Variants in ZNF143 observed in about 807,000 individuals in gnomAD.
The protein encoded by ZNF143 is zinc finger protein 143.
ZNF143 carries 49 observed loss-of-function variants against 74.1 expected under a neutral mutation model. The ratio of observed to expected loss-of-function variants is 0.66; its 90% CI spans 0.53 to 0.84. The LOEUF (loss-of-function observed/expected upper bound fraction) is 0.84. Among genes scored for constraint, ZNF143 ranks in the 40% least tolerant of loss-of-function variants. The pLI, the probability that ZNF143 is intolerant of heterozygous loss-of-function variation, is 0.00. For missense variants in ZNF143, 637 were observed against 793.4 expected (o/e 0.80, Z 2.37); for synonymous variants, 304 against 282.8 (o/e 1.07, Z -0.75).
At chr11:9,482,942 TTTAA>T (rs1289205398) in intron 7 of ZNF143, among the ~76,000 whole-genome samples, 1 of 151,456 alleles carries the variant, frequency 6.6e-6, no homozygotes, top group African/African-American at 2.5e-5. Flanking sequence ...ACCTGTTTCT[TTTAA>T]TTTTTTTCAA....
intron 7 of ZNF143, among the ~76,000 whole-genome samples, chr11:9,490,728 A>G (rs1415629268): frequency 2.0e-5 from 3 of 152,172 alleles, no homozygotes; most frequent in Non-Finnish European, 4.4e-5. Context: ...TTTCATGAGC[A>G]ATAAACAGAA....
In ZNF143 at chr11:9,461,012, A is replaced by C; in HGVS notation, c.-72A>C. ...GCGGGTTGCGGGGCCTGGGGGCCGG[A>C]CGGCTGTTTCCTGTCCTGGTGCATG... On this transcript the variant is annotated 5_prime_UTR_variant, in exon 1 of 16. Transcript: ENST00000396602. The C allele has an allele frequency of 1.0e-6, 1 of 985,898 alleles. No individual in the cohort carries two copies. Among genetic ancestry groups the C allele is most frequent in the East Asian group, 1.1e-4 (1 of 8,798 alleles). 61.1% of individuals were successfully genotyped at this position (985,898 alleles called of 1,614,324 possible).
chr11:9,510,600 A>G (rs1431197274), intron 12 of ZNF143, among the ~76,000 whole-genome samples: 1 of 152,234 alleles, frequency 6.6e-6, no homozygotes, highest in Non-Finnish European at 1.5e-5. Flanking sequence ...GCTGTGGAAC[A>G]GAACAAAAAG....
At chr11:9,494,487 G>T (rs1589905662) in intron 7 of ZNF143, among the ~76,000 whole-genome samples, 159 bp from the exon 8 acceptor site, 1 of 152,022 alleles carries the variant, frequency 6.6e-6, no homozygotes, top group South Asian at 2.1e-4. Flanking sequence ...GTAATATTTT[G>T]TTGTATAGAG....
Position 9,472,697 on chromosome 11 carries a change from A to G in ZNF143, c.133A>G (p.Met45Val). The G allele has an allele frequency of 1.9e-6, 3 of 1,610,738 alleles. No homozygotes were observed. Among genetic ancestry groups the G allele is most frequent in the Non-Finnish European group, 2.5e-6 (3 of 1,179,050 alleles). The part of the protein sequence containing the change: ...TVADGDNLEN[M>V]EGVSLQAVTL... ...AATAGATGGTGACAACTTAGAAAAT[A>G]TGGAAGGCGTAAGCTTGCAAGCAGT... Residue 45 changes from methionine (M) to valine (V), a missense_variant, in exon 3 of 16, where the codon ATG (methionine) becomes GTG (valine). This residue lies in a region of ZNF143 where 293 missense variants were observed against 307.8 expected (regional missense o/e 0.95). Coordinates refer to ENST00000396602, the MANE Select transcript of ZNF143 (RefSeq NM_003442.6).
chr11:9,466,859 TTACAA>T (rs60439879), intron 1 of ZNF143, among the ~76,000 whole-genome samples: 50,963 of 151,542 alleles, frequency 0.34, 9,800 homozygotes, highest in Non-Finnish European at 0.44. Context: ...CTTTTAAATA[TTACAA>T]TAGAGTAATA....
In ZNF143 at chr11:9,512,458, A is replaced by G; in HGVS notation, c.1386A>G (p.Glu462=). The G allele has an allele frequency of 6.2e-7, 1 of 1,614,114 alleles. No homozygotes were observed. The highest frequency in any genetic ancestry group is 1.1e-5 in the South Asian group (1 of 91,072). ...ATTTGTTTTAAACAGGTCAAGGTGA[A>G]GATGTTCTTAAAGGGTCCCAGATTA... ...AFFEPPPGQG[E]DVLKGSQITY... is the part of the protein sequence containing the mutation. Residue 462 remains glutamate (E), a synonymous_variant, in exon 13 of 16, where the codon GAA becomes GAG. Coordinates refer to ENST00000396602, the MANE Select transcript of ZNF143 (RefSeq NM_003442.6).
chr11:9,494,756 T>C lies in ZNF143; in HGVS notation c.756T>C (p.His252=), dbSNP rs547674119. The C allele has an allele frequency of 3.1e-6, 5 of 1,608,804 alleles. No individual in the cohort carries two copies. In the African/African-American group the frequency reaches 6.7e-5, roughly 21 times the overall value. Residue 252 remains histidine, a synonymous_variant, in exon 8 of 16, where the codon CAT becomes CAC. Coordinates refer to ENST00000396602, the MANE Select transcript of ZNF143 (RefSeq NM_003442.6). ...GTGGAAAATTATATACAACAGCTCA[T>C]CATCTCAAGGTATATATAAAAGAAA... ...DGCGKLYTTA[H]HLKVHERSHT...
At chr11:9,496,849 C>T (rs1264518966) in intron 9 of ZNF143, among the ~76,000 whole-genome samples, 2 of 152,126 alleles carry the variant, frequency 1.3e-5, no homozygotes, top group Admixed American at 6.6e-5. Context: ...CCGTCCGCCT[C>T]GGCCTCCCAA....
At chr11:9,471,189 A>T (rs906415748) in intron 1 of ZNF143, 113 bp from the exon 2 acceptor site, 2 of 840,692 alleles carry the variant, frequency 2.4e-6, no homozygotes, top group Non-Finnish European at 3.6e-6. Context: ...ATTTCATCTT[A>T]TTTCCAACAC....
intron 7 of ZNF143, among the ~76,000 whole-genome samples, chr11:9,485,500 A>G (rs905788586): frequency 4.0e-5 from 6 of 150,966 alleles, no homozygotes; most frequent in African/African-American, 1.5e-4. Context: ...GGCTTATACC[A>G]CCATGCCCAG....
intron 7 of ZNF143, among the ~76,000 whole-genome samples, chr11:9,479,869 T>C (rs886609331): frequency 6.6e-6 from 1 of 152,212 alleles, no homozygotes; most frequent in Non-Finnish European, 1.5e-5. Flanking sequence ...GCATGGCAAT[T>C]TGTGGATACT....
At chr11:9,521,896 A>G (rs1355176909) in intron 14 of ZNF143, among the ~76,000 whole-genome samples, 1 of 151,810 alleles carries the variant, frequency 6.6e-6, no homozygotes, top group East Asian at 2.0e-4. Context: ...GTGAAACCCC[A>G]TCTCTACTAA....
intron 11 of ZNF143, among the ~76,000 whole-genome samples, chr11:9,503,242 C>T (rs200265493): frequency 6.6e-6 from 1 of 151,888 alleles, no homozygotes; most frequent in African/African-American, 2.4e-5. Context: ...GTTTATTCAC[C>T]AGTTGTTTTC....
intron 1 of ZNF143, among the ~76,000 whole-genome samples, chr11:9,469,109 C>T (rs1322289988): frequency 1.3e-5 from 2 of 148,960 alleles, no homozygotes; most frequent in Admixed American, 6.7e-5. Flanking sequence ...ACTCTAGCCT[C>T]GGCTACAGTG....
Position 9,503,951 on chromosome 11 carries a change from C to CTTTT in ZNF143, c.1147+2704_1147+2707dup, listed in dbSNP as rs35371465. On this transcript the variant is annotated intron_variant, in intron 11 of 15. Coordinates refer to ENST00000396602, the MANE Select transcript of ZNF143 (RefSeq NM_003442.6). ...ACAGGCATGAGCCACCACGCCTTGCCTTTTTTTTTTTTTTTTTTTTTTTTT... is the reference window on the plus strand; with the variant it reads ...ACAGGCATGAGCCACCACGCCTTGCCTTTTTTTTTTTTTTTTTTTTTTTTTTTTT... Among the ~76,000 whole-genome samples the CTTTT allele has an allele frequency of 2.8e-4, 15 of 53,100 alleles. 1 individual carries two copies. Among genetic ancestry groups the CTTTT allele is most frequent in the Admixed American group, 7.8e-4 (3 of 3,832 alleles). The allele number at this position is 53,100 out of a possible 152,430, so 34.8% of individuals were successfully genotyped here.
At chr11:9,522,597 G>A (rs1009765791) in intron 14 of ZNF143, among the ~76,000 whole-genome samples, 2 of 152,160 alleles carry the variant, frequency 1.3e-5, no homozygotes, top group Admixed American at 6.5e-5. Flanking sequence ...GGGTTCAAGC[G>A]ATTCTCCTGC....
At chr11:9,510,121 T>C (rs976469154) in intron 12 of ZNF143, among the ~76,000 whole-genome samples, 1 of 137,848 alleles carries the variant, frequency 7.3e-6, no homozygotes, top group African/African-American at 2.8e-5. Flanking sequence ...TCCTATATTC[T>C]TTTTTTTTTT....
At chr11:9,461,526 G>T (rs1254798397) in intron 1 of ZNF143, 1 of 152,178 alleles carries the variant, frequency 6.6e-6, no homozygotes, top group East Asian at 1.9e-4. Context: ...AGGCCGCAGC[G>T]GGGGCGCCGG....
Sources: gnomAD v4.1 joint callset for allele counts (sites outside exome capture counted in the v4.1 genomes callset) on GRCh38, gnomAD v4.1.1 for gene constraint, gnomAD v4.1.1 regional missense constraint, MANE v1.5 for transcripts, NCBI Gene and HGNC (gene_info 2026-07-23, HGNC 2026-07-21) for gene names.